PDGFC: variants seen among roughly 807,000 people sequenced by gnomAD.
PDGFC encodes the protein platelet-derived growth factor C.
PDGFC carries 12 observed loss-of-function variants against 35.5 expected under a neutral mutation model. The observed-to-expected ratio is 0.34, with a 90% CI of 0.22 to 0.55. The LOEUF (loss-of-function observed/expected upper bound fraction) is 0.55. PDGFC is among the 20% of genes least tolerant of loss of function. The pLI is 0.91. For synonymous variants in PDGFC, 159 were observed against 148.8 expected (o/e 1.07, Z -0.50); for missense variants, 322 against 412.4 (o/e 0.78, Z 1.90).
intron 2 of PDGFC, among the ~76,000 whole-genome samples, chr4:156,848,668 A>G (rs1049940495): frequency 3.3e-5 from 5 of 152,062 alleles, no homozygotes; most frequent in Non-Finnish European, 7.4e-5. Context: ...TACATATTTC[A>G]AAACAGCCAA....
chr4:156,797,593 C>T (rs1431465048), intron 3 of PDGFC, among the ~76,000 whole-genome samples: 1 of 152,122 alleles, frequency 6.6e-6, no homozygotes, highest in Admixed American at 6.5e-5. Context: ...ACAATAAACA[C>T]CAACGATAGC....
chr4:156,859,006 G>A (rs966226078), intron 1 of PDGFC, among the ~76,000 whole-genome samples: 1 of 151,980 alleles, frequency 6.6e-6, no homozygotes, highest in Non-Finnish European at 1.5e-5. Context: ...ACAGGAAGAT[G>A]TTTAAAATTT....
chr4:156,863,903 ATTTAATTAT>A (rs1729774511), intron 1 of PDGFC, among the ~76,000 whole-genome samples: 1 of 152,130 alleles, frequency 6.6e-6, no homozygotes, highest in South Asian at 2.1e-4. Flanking sequence ...ACATATATTC[ATTTAATTAT>A]TTGATTACTT....
intron 2 of PDGFC, among the ~76,000 whole-genome samples, chr4:156,821,995 T>C (rs1226355096): frequency 6.6e-6 from 1 of 152,150 alleles, no homozygotes; most frequent in Non-Finnish European, 1.5e-5. Context: ...GGACTGAATT[T>C]AGGACCAATA....
intron 1 of PDGFC, among the ~76,000 whole-genome samples, chr4:156,877,810 C>T (rs1359821529): frequency 6.6e-6 from 1 of 152,238 alleles, no homozygotes; most frequent in Non-Finnish European, 1.5e-5. Flanking sequence ...AACCTCTCCC[C>T]GGCAACCTGC....
intron 2 of PDGFC, among the ~76,000 whole-genome samples, chr4:156,811,915 G>A (rs942747041): frequency 6.6e-6 from 1 of 151,974 alleles, no homozygotes; most frequent in African/African-American, 2.4e-5. Context: ...GGAAAGTTCT[G>A]AAAATGAGTA....
chr4:156,764,270 A>G (rs1474310367), intron 5 of PDGFC, among the ~76,000 whole-genome samples: 1 of 152,236 alleles, frequency 6.6e-6, no homozygotes, highest in Non-Finnish European at 1.5e-5. Flanking sequence ...AAAGAAAAAC[A>G]GAGAATGCAT....
rs1052047444 is a variant in PDGFC at position 156,850,324 on chromosome 4, T to C, written c.211A>G (p.Thr71Ala). The C allele has an allele frequency of 6.2e-7, 1 of 1,604,148 alleles. No homozygotes were observed. Among genetic ancestry groups the C allele is most frequent in the Non-Finnish European group, 8.5e-7 (1 of 1,171,628 alleles). ...PRFPHTYPRN[T>A]VLVWRLVAVE... is the part of the protein sequence containing the mutation. ...GCTACTAATCTCCATACCAAGACCGTATTTCTTGGATAAGTATGAGGAAAC... is the reference window on the plus strand; with the variant it reads ...GCTACTAATCTCCATACCAAGACCGCATTTCTTGGATAAGTATGAGGAAAC... The change falls in exon 2 of 6, where the codon ACG becomes GCG. Residue 71 changes from threonine to alanine, a missense_variant. By Grantham distance (58) the Thr-to-Ala change is moderately conservative. Coordinates refer to ENST00000502773, the MANE Select transcript of PDGFC (RefSeq NM_016205.3).
chr4:156,781,197 A>T (rs144761652), intron 3 of PDGFC, among the ~76,000 whole-genome samples: 11 of 152,050 alleles, frequency 7.2e-5, no homozygotes, highest in Middle Eastern at 6.8e-3. Context: ...TCTGTGCTAC[A>T]CTCCATATCC....
Position 156,971,075 on chromosome 4 carries a change from C to G in PDGFC, c.-172G>C. Reference sequence around the variant, plus strand: ...ACATAATCCCATCCAAAACTTTTTCCTAGAGCCCTCTTCTGTGTCTCCAGT... The same window carrying G: ...ACATAATCCCATCCAAAACTTTTTCGTAGAGCCCTCTTCTGTGTCTCCAGT... On this transcript the variant is annotated 5_prime_UTR_variant, in exon 1 of 6. Transcript: ENST00000502773. The G allele has an allele frequency of 1.7e-6, 1 of 582,642 alleles. No individual in the cohort carries two copies. The highest frequency in any genetic ancestry group is 3.0e-5 in the Admixed American group (1 of 33,798). The allele number at this position is 582,642 out of a possible 1,614,324, so 36.1% of individuals were successfully genotyped here.
chr4:156,922,191 T>TGC (rs1553978782), intron 1 of PDGFC, among the ~76,000 whole-genome samples: 13 of 149,218 alleles, frequency 8.7e-5, no homozygotes, highest in East Asian at 5.9e-4. Flanking sequence ...TGTGTGTGTG[T>TGC]GCATCTGTGT....
rs537608536 is a variant in PDGFC at position 156,786,276 on chromosome 4, T to C, written c.496-13383A>G. Among the ~76,000 whole-genome samples the C allele has an allele frequency of 5.3e-5, 8 of 152,218 alleles. No homozygotes were observed. In the East Asian group the frequency reaches 1.4e-3, roughly 26 times the overall value. On this transcript the variant is annotated intron_variant, in intron 3 of 5. Coordinates refer to ENST00000502773, the MANE Select transcript of PDGFC (RefSeq NM_016205.3). ...TATTCTATTGGAGAAAAACAGACCA[T>C]GCACAACATAAATAATGCACATACA...
At chr4:156,895,462 T>A (rs562009454) in intron 1 of PDGFC, among the ~76,000 whole-genome samples, 1 of 152,052 alleles carries the variant, frequency 6.6e-6, no homozygotes, top group East Asian at 1.9e-4. Context: ...GTAAACCCCA[T>A]CTCTACTGAA....
Position 156,971,463 on chromosome 4 carries a change from G to C in PDGFC, c.-560C>G, listed in dbSNP as rs1732592571. ...GGAAGAAACAAGGCGAGGGCGCCGC[G>C]GCGGGTCCCACGGGCCGGGGCGCCG... is the stretch of plus-strand genomic sequence containing the variant. On this transcript the variant is annotated 5_prime_UTR_variant, in exon 1 of 6. Coordinates refer to ENST00000502773, the MANE Select transcript of PDGFC (RefSeq NM_016205.3). The C allele has an allele frequency of 3.3e-6, 1 of 301,858 alleles. No homozygotes were observed. Among genetic ancestry groups the C allele is most frequent in the Non-Finnish European group, 6.0e-6 (1 of 165,520 alleles). 18.7% of individuals were successfully genotyped at this position (301,858 alleles called of 1,614,324 possible). A position where few individuals can be genotyped will look rare whatever the true frequency, so the allele number is the denominator to read the frequency against.
intron 2 of PDGFC, among the ~76,000 whole-genome samples, chr4:156,831,604 C>A (rs887808590): frequency 5.3e-5 from 8 of 151,718 alleles, no homozygotes; most frequent in Non-Finnish European, 8.8e-5. Flanking sequence ...CCACCACGCC[C>A]AGCTAATTTT....
intron 2 of PDGFC, among the ~76,000 whole-genome samples, chr4:156,845,728 G>A (rs1435083264): frequency 6.6e-6 from 1 of 151,710 alleles, no homozygotes; most frequent in South Asian, 2.1e-4. Context: ...TCTTTGAATT[G>A]TTATTAAACT....
intron 2 of PDGFC, among the ~76,000 whole-genome samples, chr4:156,824,327 T>TATATATATATATATATACAC (rs1491500876): frequency 9.7e-6 from 1 of 102,842 alleles, no homozygotes; most frequent in Non-Finnish European, 1.9e-5. Context: ...TATATATATA[T>TATATATATATATATATACAC]ACACACACAC....
chr4:156,946,367 C>A (rs1333664861), intron 1 of PDGFC, among the ~76,000 whole-genome samples: 1 of 151,930 alleles, frequency 6.6e-6, no homozygotes, highest in East Asian at 1.9e-4. Context: ...GCAACCAACC[C>A]ACTTTAACGT....
At chr4:156,942,586 A>C (rs187816829) in intron 1 of PDGFC, among the ~76,000 whole-genome samples, 1 of 151,630 alleles carries the variant, frequency 6.6e-6, no homozygotes, top group African/African-American at 2.4e-5. Flanking sequence ...TAAATTTTGA[A>C]AAATTCTGAG....
Sources: allele counts gnomAD v4.1 joint callset (sites outside exome capture counted in the v4.1 genomes callset), GRCh38; gene constraint gnomAD v4.1.1; transcripts MANE v1.5; gene names NCBI Gene and HGNC (gene_info 2026-07-23, HGNC 2026-07-21).